LEKR1: variants seen among roughly 807,000 people sequenced by gnomAD.
LEKR1 encodes protein LEKR1.
In LEKR1, 59 loss-of-function variants were observed where a neutral mutation model predicts 72.4. The ratio of observed to expected loss-of-function variants is 0.82; its 90% CI spans 0.66 to 1.01. LEKR1 has a LOEUF of 1.01. Ranked by LOEUF, LEKR1 falls within the 50% of genes least tolerant of loss-of-function variation. LEKR1 has a pLI of 0.00. For missense variants in LEKR1, 728 were observed against 759.2 expected (o/e 0.96, Z 0.48); for synonymous variants, 257 against 263.2 (o/e 0.98, Z 0.23).
At chr3:156,936,443 A>ACG (rs1220007689) in intron 5 of LEKR1, among the ~76,000 whole-genome samples, 50 of 109,722 alleles carry the variant, frequency 4.6e-4, no homozygotes, top group African/African-American at 1.4e-3. Context: ...ACACACACAC[A>ACG]CACACACACA....
At chr3:156,918,738 A>T (rs540034827) in intron 3 of LEKR1, among the ~76,000 whole-genome samples, 1 of 152,312 alleles carries the variant, frequency 6.6e-6, no homozygotes, top group East Asian at 1.9e-4. Context: ...CATGTTAGTA[A>T]TATGGAGGTA....
chr3:156,875,659 C>T (rs1449825310), intron 3 of LEKR1, among the ~76,000 whole-genome samples: 1 of 151,966 alleles, frequency 6.6e-6, no homozygotes, highest in East Asian at 1.9e-4. Context: ...TCTTTCAGGT[C>T]TTAGATTGAA....
intron 9 of LEKR1, among the ~76,000 whole-genome samples, chr3:157,003,834 CAA>C (rs1179762815): frequency 6.6e-6 from 1 of 151,648 alleles, no homozygotes; most frequent in East Asian, 1.9e-4. Flanking sequence ...TAAAACTAAA[CAA>C]AGAGTTATAG....
intron 6 of LEKR1, among the ~76,000 whole-genome samples, chr3:156,975,267 T>C (rs1450231133): frequency 6.6e-6 from 1 of 151,978 alleles, no homozygotes; most frequent in Middle Eastern, 3.2e-3. Context: ...CAATTACCTA[T>C]ACAATAAAAA....
At chr3:156,879,186 T>C (rs1718981728) in intron 3 of LEKR1, among the ~76,000 whole-genome samples, 1 of 152,190 alleles carries the variant, frequency 6.6e-6, no homozygotes, top group Non-Finnish European at 1.5e-5. Context: ...TGGAACTTCC[T>C]ATAGACTTGT....
In LEKR1 at chr3:157,045,701, C is replaced by A; in HGVS notation, c.2030C>A (p.Thr677Asn). The change falls in exon 13 of 13, where the codon ACT (threonine) becomes AAT (asparagine). Residue 677 changes from threonine (T) to asparagine (N), a missense_variant. Physicochemically the swap from Thr to Asn is moderately conservative, Grantham distance 65. Coordinates refer to ENST00000356539, the MANE Select transcript of LEKR1 (RefSeq NM_001004316.3). Reference protein sequence around the residue: ...PRGGASSANETRQRLAAILRR... With the variant: ...PRGGASSANENRQRLAAILRR... ...GGTGGAGCATCTTCAGCAAATGAGA[C>A]TAGACAGAGACTGGCTGCCATTCTT... 3.1e-6 allele frequency: 5 copies of A among 1,613,052 alleles called. No individual in the cohort carries two copies. The highest frequency in any genetic ancestry group is 4.2e-6 in the Non-Finnish European group (5 of 1,179,996).
intron 12 of LEKR1, among the ~76,000 whole-genome samples, chr3:157,031,476 C>T (rs1734602619): frequency 6.6e-6 from 1 of 151,954 alleles, no homozygotes; most frequent in Non-Finnish European, 1.5e-5. Context: ...TTAACTAATT[C>T]GAACTGAACT....
intron 3 of LEKR1, among the ~76,000 whole-genome samples, chr3:156,895,707 A>C (rs1721111992): frequency 6.6e-6 from 1 of 152,190 alleles, no homozygotes; most frequent in Admixed American, 6.5e-5. Flanking sequence ...AAGTCAAAAA[A>C]CAACAGATGC....
At chr3:156,916,134 C>G (rs114493579) in intron 3 of LEKR1, among the ~76,000 whole-genome samples, 23,833 of 151,980 alleles carry the variant, frequency 0.16, 2,136 homozygotes, top group South Asian at 0.25. Context: ...TGTTTTTGTG[C>G]CAGTACTATG....
chr3:156,983,980 C>T (rs1287494960), intron 7 of LEKR1, among the ~76,000 whole-genome samples: 1 of 152,020 alleles, frequency 6.6e-6, no homozygotes, highest in Non-Finnish European at 1.5e-5. Context: ...CCTTAACACC[C>T]TAGAAAATTG....
At chr3:156,969,701 G>A (rs951938172) in intron 6 of LEKR1, among the ~76,000 whole-genome samples, 4 of 152,146 alleles carry the variant, frequency 2.6e-5, no homozygotes, top group African/African-American at 9.7e-5. Flanking sequence ...GTACAAGGAG[G>A]AGCTGGTACC....
intron 3 of LEKR1, among the ~76,000 whole-genome samples, chr3:156,872,638 G>A (rs929402010): frequency 1.3e-5 from 2 of 151,818 alleles, no homozygotes; most frequent in Non-Finnish European, 2.9e-5. Flanking sequence ...TTGGAATGTT[G>A]TATTTCAAAT....
intron 3 of LEKR1, among the ~76,000 whole-genome samples, chr3:156,889,907 G>T (rs1046899199): frequency 1.3e-5 from 2 of 152,164 alleles, no homozygotes; most frequent in African/African-American, 4.8e-5. Context: ...ACTACATAAC[G>T]TATTAGTAGC....
At chr3:157,013,262 G>C (rs1733048795) in intron 10 of LEKR1, among the ~76,000 whole-genome samples, 1 of 152,020 alleles carries the variant, frequency 6.6e-6, no homozygotes, top group African/African-American at 2.4e-5. Context: ...TGCTTTTGTA[G>C]AAATTTCCCA....
chr3:156,978,147 C>T (rs1187860638), intron 6 of LEKR1, among the ~76,000 whole-genome samples: 2 of 152,012 alleles, frequency 1.3e-5, no homozygotes, highest in Non-Finnish European at 2.9e-5. Context: ...TATGTAAAAG[C>T]ACTGGATAAA....
At chr3:156,934,830 C>T (rs778208047) in intron 5 of LEKR1, among the ~76,000 whole-genome samples, 2 of 151,950 alleles carry the variant, frequency 1.3e-5, no homozygotes, top group Non-Finnish European at 2.9e-5. Context: ...TACATATACA[C>T]TTAAAATATA....
chr3:156,851,682 T>A (rs1576663189), intron 2 of LEKR1, among the ~76,000 whole-genome samples: 1 of 152,164 alleles, frequency 6.6e-6, no homozygotes, highest in Admixed American at 6.6e-5. Flanking sequence ...AAAATGTGTT[T>A]TTTTTTCTTC....
At chr3:157,023,820 T>G (rs1170448353) in intron 10 of LEKR1, among the ~76,000 whole-genome samples, 1 of 152,218 alleles carries the variant, frequency 6.6e-6, no homozygotes, top group Non-Finnish European at 1.5e-5. Context: ...CTAAGGTCCC[T>G]TCTAGCATTA....
chr3:156,874,545 T>C (rs1189399682), intron 3 of LEKR1, among the ~76,000 whole-genome samples: 3 of 152,150 alleles, frequency 2.0e-5, no homozygotes, highest in African/African-American at 7.2e-5. Flanking sequence ...AAAAAACTTT[T>C]TTTTTTCCAA....
Sources: allele counts gnomAD v4.1 joint callset (sites outside exome capture counted in the v4.1 genomes callset), GRCh38; gene constraint gnomAD v4.1.1; transcripts MANE v1.5; gene names NCBI Gene and HGNC (gene_info 2026-07-23, HGNC 2026-07-21).